DOCK9: variants seen among roughly 807,000 people sequenced by gnomAD.
The protein encoded by DOCK9 is dedicator of cytokinesis protein 9.
In DOCK9, 89 loss-of-function variants were observed where a neutral mutation model predicts 263.3. That is an observed-to-expected ratio of 0.34 (90% CI 0.28 to 0.40). The LOEUF (loss-of-function observed/expected upper bound fraction) is 0.40. Ranked by LOEUF, DOCK9 falls within the 10% of genes least tolerant of loss-of-function variation. The pLI is 1.00. For synonymous variants in DOCK9, 976 were observed against 973.1 expected, an observed-to-expected ratio of 1.00 and a Z score of -0.06; for missense variants, 2,140 against 2,603.4, an observed-to-expected ratio of 0.82 and a Z score of 3.87.
At chr13:98,941,025 C>T (rs2140523048) in intron 2 of DOCK9, among the ~76,000 whole-genome samples, 3 of 152,260 alleles carry the variant, frequency 2.0e-5, no homozygotes, top group East Asian at 3.9e-4. Context: ...CTTTTCTGGA[C>T]TCTTCTGCCC....
intron 1 of DOCK9, among the ~76,000 whole-genome samples, chr13:99,021,502 G>C (rs576229403): frequency 4.6e-5 from 7 of 151,996 alleles, no homozygotes; most frequent in African/African-American, 1.5e-4. Context: ...AGCCGGGCGT[G>C]GTGGCGGGCG....
intron 1 of DOCK9, among the ~76,000 whole-genome samples, chr13:99,020,796 T>C (rs562366339): frequency 3.3e-5 from 5 of 152,324 alleles, no homozygotes; most frequent in Admixed American, 2.6e-4. Flanking sequence ...CTGGGGTCTA[T>C]CTTAGGAGGC....
chr13:98,906,538 T>C (rs1298728806), intron 9 of DOCK9, among the ~76,000 whole-genome samples: 1 of 152,210 alleles, frequency 6.6e-6, no homozygotes, highest in African/African-American at 2.4e-5. Context: ...CGGAATAGAA[T>C]GTACTCTCTC....
chr13:98,921,149 A>C, intron 6 of DOCK9, 61 bp from the exon 7 acceptor site: 1 of 1,507,014 alleles, frequency 6.6e-7, no homozygotes, highest in Non-Finnish European at 9.0e-7. Context: ...AATCTCTATC[A>C]ATAACCCACT....
chr13:99,008,941 CA>C (rs2141913241), intron 1 of DOCK9, among the ~76,000 whole-genome samples: 1 of 152,296 alleles, frequency 6.6e-6, no homozygotes, highest in South Asian at 2.1e-4. Flanking sequence ...GTAGGGGACA[CA>C]ATTCAGTCCA....
chr13:98,845,847 G>A, intron 38 of DOCK9, 77 bp downstream of exon 38: 1 of 1,549,076 alleles, frequency 6.5e-7, no homozygotes, highest in Admixed American at 1.9e-5. Context: ...TGATGTGGTA[G>A]GTGTGGCCTA....
At chr13:98,871,944 T>C (rs1229190240) in intron 27 of DOCK9, 1 of 152,974 alleles carries the variant, frequency 6.5e-6, no homozygotes, top group East Asian at 1.9e-4. Context: ...ACTCCTCGAA[T>C]GAACGGGATC....
intron 1 of DOCK9, among the ~76,000 whole-genome samples, chr13:98,958,229 G>A (rs994971372): frequency 1.3e-5 from 2 of 152,172 alleles, no homozygotes; most frequent in Admixed American, 6.5e-5. Context: ...GCATCCCTGC[G>A]GGCAGCCATC....
intron 22 of DOCK9, 59 bp from the exon 23 acceptor site, chr13:98,883,190 T>C (rs2045115717): frequency 4.3e-6 from 6 of 1,388,678 alleles, no homozygotes; most frequent in Admixed American, 4.1e-5. Flanking sequence ...GCTGTGGAAA[T>C]AGAAGCATTT....
chr13:98,903,158 T>A (rs760785076), intron 10 of DOCK9, 46 bp from the exon 11 acceptor site: 28 of 1,384,620 alleles, frequency 2.0e-5, no homozygotes, highest in Non-Finnish European at 4.8e-6. Context: ...GCTCTTATTT[T>A]AAAAAAACAT....
intron 18 of DOCK9, 103 bp from the exon 19 acceptor site, chr13:98,886,727 GC>G (rs2045753641): frequency 1.9e-6 from 2 of 1,060,878 alleles, no homozygotes; most frequent in Non-Finnish European, 2.8e-6. Context: ...CATAGACTTA[GC>G]ATCGCCACCT....
chr13:98,968,649 T>C (rs1260112775), intron 1 of DOCK9, among the ~76,000 whole-genome samples: 1 of 152,194 alleles, frequency 6.6e-6, no homozygotes, highest in African/African-American at 2.4e-5. Flanking sequence ...ATTATATGTA[T>C]GGCTCATGTT....
chr13:99,007,259 G>A (rs533685196), intron 1 of DOCK9, among the ~76,000 whole-genome samples: 2 of 151,910 alleles, frequency 1.3e-5, no homozygotes, highest in South Asian at 2.1e-4. Context: ...GTGGTGGCAC[G>A]TGCCTGTAAT....
At chr13:98,906,602 TCA>T (rs2049138867) in intron 9 of DOCK9, among the ~76,000 whole-genome samples, 1 of 152,206 alleles carries the variant, frequency 6.6e-6, no homozygotes, top group South Asian at 2.1e-4. Context: ...GATGGGGCAC[TCA>T]CAACCACAGC....
chr13:98,852,703 A>G lies in DOCK9; in HGVS notation c.3946+705T>C, dbSNP rs1249931364. ...AATAAGATTTTTGCCCAGGATAAGA[A>G]CTGCGACATTGTTTACTGGGATTGT... On this transcript the variant is annotated intron_variant, in intron 35 of 52. Coordinates refer to ENST00000682017, the MANE Select transcript of DOCK9 (RefSeq NM_001366683.2). Among the ~76,000 whole-genome samples the G allele has an allele frequency of 2.0e-5, 3 of 152,188 alleles. No individual in the cohort carries two copies. In the East Asian group the frequency reaches 5.8e-4, roughly 29 times the overall value.
chr13:98,995,611 C>T (rs1213246292), intron 1 of DOCK9, among the ~76,000 whole-genome samples: 1 of 151,534 alleles, frequency 6.6e-6, no homozygotes, highest in Non-Finnish European at 1.5e-5. Context: ...GCCTCAGCCT[C>T]CCGAGTAGCT....
chr13:98,808,557 CA>C, intron 47 of DOCK9: 1 of 942,930 alleles, frequency 1.1e-6, no homozygotes, highest in South Asian at 1.5e-5. Context: ...TAGCATGAAA[CA>C]AAAAACATCC....
At chr13:98,899,523 A>G (rs1454883728) in intron 13 of DOCK9, among the ~76,000 whole-genome samples, 1 of 152,180 alleles carries the variant, frequency 6.6e-6, no homozygotes, top group East Asian at 1.9e-4. Flanking sequence ...ATGTCAGGGA[A>G]TCATCTAGGA....
intron 9 of DOCK9, among the ~76,000 whole-genome samples, chr13:98,912,809 G>A (rs1181464425): frequency 2.0e-5 from 3 of 152,116 alleles, no homozygotes; most frequent in Non-Finnish European, 4.4e-5. Context: ...CACCCAGTAA[G>A]TGCAGAAGGT....
Sources: gnomAD v4.1 joint callset for allele counts (sites outside exome capture counted in the v4.1 genomes callset) on GRCh38, gnomAD v4.1.1 for gene constraint, MANE v1.5 for transcripts, NCBI Gene and HGNC (gene_info 2026-07-23, HGNC 2026-07-21) for gene names.